The following QRICH1 variants were observed in gnomAD, a reference collection of about 807,000 sequenced individuals.
QRICH1 encodes glutamine rich 1.
Under a neutral mutation model 87.1 loss-of-function variants are expected in QRICH1, and 16 were observed. The ratio of observed to expected loss-of-function variants is 0.18; its 90% CI spans 0.12 to 0.28. QRICH1 has a LOEUF of 0.28. QRICH1 is among the 10% of genes least tolerant of loss of function. The pLI, the probability that QRICH1 is intolerant of heterozygous loss-of-function variation, is 1.00. For synonymous variants in QRICH1, 367 were observed against 368.4 expected (o/e 1.00, Z 0.05); for missense variants, 647 against 951.7 (o/e 0.68, Z 4.21).
At chr3:49,059,330 G>C (rs921701874) in intron 2 of QRICH1, among the ~76,000 whole-genome samples, 3 of 151,606 alleles carry the variant, frequency 2.0e-5, no homozygotes, top group South Asian at 2.1e-4. Context: ...TAAGATGATA[G>C]GGCACTTTAA....
chr3:49,035,236 A>AT (rs1023770079), intron 6 of QRICH1, among the ~76,000 whole-genome samples: 9 of 151,600 alleles, frequency 5.9e-5, no homozygotes, highest in Non-Finnish European at 1.0e-4. Flanking sequence ...ACACTCGATT[A>AT]TTTTTTTTGA....
intron 2 of QRICH1, 51 bp downstream of exon 2, chr3:49,076,658 A>C: frequency 7.1e-7 from 1 of 1,410,984 alleles, no homozygotes; most frequent in Non-Finnish European, 9.4e-7. Context: ...TAAAACACTG[A>C]CAACAAATAA....
chr3:49,031,572 A>C (rs964826939), intron 9 of QRICH1, among the ~76,000 whole-genome samples: 1 of 152,222 alleles, frequency 6.6e-6, no homozygotes, highest in African/African-American at 2.4e-5. Context: ...CAAATACAAA[A>C]TAAAAAACAG....
At chr3:49,033,716 C>T in intron 6 of QRICH1, 1 of 152,412 alleles carries the variant, frequency 6.6e-6, no homozygotes. Context: ...CGGCCAGGCG[C>T]AGTGGCTGAT....
At chr3:49,077,580 G>A (rs902472219) in intron 1 of QRICH1, among the ~76,000 whole-genome samples, 1 of 152,204 alleles carries the variant, frequency 6.6e-6, no homozygotes. Context: ...GCCATGTGGT[G>A]CTCACATTCT....
At chr3:49,035,911 C>CAAAA (rs761180733) in intron 6 of QRICH1, among the ~76,000 whole-genome samples, 4 of 59,996 alleles carry the variant, frequency 6.7e-5, no homozygotes, top group Non-Finnish European at 6.7e-5. Context: ...CCCATTTCTA[C>CAAAA]AAAAAAAAAA....
At chr3:49,046,277 AAC>A (rs2093339149) in intron 5 of QRICH1, 146 bp downstream of exon 5, 28 of 902,472 alleles carry the variant, frequency 3.1e-5, no homozygotes, top group South Asian at 9.0e-5. Flanking sequence ...AAAAAAAAAA[AAC>A]AACAAATGTG....
At chr3:49,062,238 C>A (rs925712710) in intron 2 of QRICH1, among the ~76,000 whole-genome samples, 2 of 151,314 alleles carry the variant, frequency 1.3e-5, no homozygotes, top group East Asian at 3.9e-4. Flanking sequence ...GGAAGGCTGA[C>A]GCAGCAAAAT....
chr3:49,073,455 G>A (rs1053174899), intron 2 of QRICH1, among the ~76,000 whole-genome samples: 18 of 150,384 alleles, frequency 1.2e-4, no homozygotes, highest in African/African-American at 3.7e-4. Flanking sequence ...CAGGAGAATC[G>A]TTTGAACCCA....
chr3:49,049,909 A>G (rs1559932976), intron 3 of QRICH1, among the ~76,000 whole-genome samples: 1 of 152,124 alleles, frequency 6.6e-6, no homozygotes, highest in African/African-American at 2.4e-5. Context: ...ACATGTTCAA[A>G]GAATGTGCTT....
intron 1 of QRICH1, among the ~76,000 whole-genome samples, chr3:49,079,158 C>T (rs2042009544): frequency 6.6e-6 from 1 of 151,882 alleles, no homozygotes; most frequent in Non-Finnish European, 1.5e-5. Flanking sequence ...TTGCTTGAGC[C>T]CAGAGATCGA....
intron 2 of QRICH1, among the ~76,000 whole-genome samples, chr3:49,068,193 CAAA>C (rs951273450): frequency 6.6e-6 from 1 of 151,894 alleles, no homozygotes; most frequent in African/African-American, 2.4e-5. Context: ...CCTCTCTCCA[CAAA>C]AAGTAAAAAT....
intron 9 of QRICH1, among the ~76,000 whole-genome samples, chr3:49,030,923 G>T (rs574981257): frequency 1.3e-5 from 2 of 151,428 alleles, no homozygotes; most frequent in Non-Finnish European, 2.9e-5. Context: ...ATGGACTCAT[G>T]TGAGTCTATC....
intron 3 of QRICH1, among the ~76,000 whole-genome samples, chr3:49,047,730 G>A (rs982259726): frequency 2.0e-5 from 3 of 151,850 alleles, no homozygotes; most frequent in Admixed American, 6.6e-5. Flanking sequence ...TAATCTGCCC[G>A]CCTCAGTCTC....
intron 1 of QRICH1, among the ~76,000 whole-genome samples, chr3:49,089,145 C>A (rs2042225993): frequency 6.6e-6 from 1 of 151,892 alleles, no homozygotes; most frequent in African/African-American, 2.4e-5. Flanking sequence ...ACTGCAACCT[C>A]CGCCTACAGG....
rs376073803 is a variant in QRICH1, at chr3:49,047,288, T to C, written c.1339-42A>G. The C allele has an allele frequency of 7.1e-6, 11 of 1,548,900 alleles. No individual in the cohort carries two copies. In the African/African-American group the frequency reaches 1.2e-4, roughly 17 times the overall value. On this transcript the variant is annotated intron_variant, in intron 3 of 9. Coordinates refer to ENST00000395443, the MANE Select transcript of QRICH1 (RefSeq NM_198880.3). ...ATGAAAATGTGTCAATATTGTTTTATATTAGATCCTTCTGCAAAATTGCCA... is the reference window on the plus strand; with the variant it reads ...ATGAAAATGTGTCAATATTGTTTTACATTAGATCCTTCTGCAAAATTGCCA...
chr3:49,040,347 C>T (rs1351529727), intron 6 of QRICH1, among the ~76,000 whole-genome samples: 1 of 152,214 alleles, frequency 6.6e-6, no homozygotes. Context: ...GCAGCTCACA[C>T]CTGTAATCCC....
In QRICH1 at chr3:49,040,055, C is replaced by T. The variant is rs917257679; in HGVS notation, c.1786+4335G>A. Among the ~76,000 whole-genome samples, 5 of 152,010 alleles carry T rather than the reference C, an allele frequency of 3.3e-5. 1 individual carries two copies. Among genetic ancestry groups the T allele is most frequent in the South Asian group, 4.1e-4 (2 of 4,824 alleles). Reference sequence around the variant, plus strand: ...CAGCCTGGGCGATAGAGTGAGACTCCGTCTCAAAAGCCAAAAAACAGCAAC... The same window carrying T: ...CAGCCTGGGCGATAGAGTGAGACTCTGTCTCAAAAGCCAAAAAACAGCAAC... On this transcript the variant is annotated intron_variant, in intron 6 of 9. Transcript: ENST00000395443.
At chr3:49,085,037 G>T (rs551560743) in intron 1 of QRICH1, among the ~76,000 whole-genome samples, 1 of 150,758 alleles carries the variant, frequency 6.6e-6, no homozygotes, top group Admixed American at 6.6e-5. Context: ...CAGCTACTCG[G>T]GAGGCTGAGG....
Sources: allele counts gnomAD v4.1 joint callset (sites outside exome capture counted in the v4.1 genomes callset), GRCh38; gene constraint gnomAD v4.1.1; transcripts MANE v1.5; gene names NCBI Gene and HGNC (gene_info 2026-07-23, HGNC 2026-07-21).